The following GSE1 variants were observed in gnomAD, a reference collection of about 807,000 sequenced individuals.
The protein encoded by GSE1 is Gse1 coiled-coil protein, also known as genetic suppressor element 1.
GSE1 carries 32 observed loss-of-function variants against 112.6 expected under a neutral mutation model. The observed-to-expected ratio is 0.28, with a 90% CI of 0.21 to 0.38. The LOEUF is 0.38. GSE1 is among the 10% of genes least tolerant of loss of function. The probability of loss-of-function intolerance (pLI) is 1.00; values close to 1 mark genes in which losing one functional copy is unlikely to be tolerated. For missense variants in GSE1, 2,348 were observed against 1,699.2 expected (o/e 1.38, Z -6.71); for synonymous variants, 1,115 against 735.6 (o/e 1.52, Z -8.35).
intron 1 of GSE1, among the ~76,000 whole-genome samples, chr16:85,192,338 C>G (rs1380771388): frequency 6.6e-6 from 1 of 152,200 alleles, no homozygotes; most frequent in South Asian, 2.1e-4. Flanking sequence ...TATAATTTCC[C>G]CATCTGTAAA....
At chr16:85,588,285 G>A (rs1230757264) in intron 1 of GSE1, among the ~76,000 whole-genome samples, 1 of 152,220 alleles carries the variant, frequency 6.6e-6, no homozygotes, top group Non-Finnish European at 1.5e-5. Context: ...CAGCCTGGCC[G>A]CTCTTGAGGG....
intron 1 of GSE1, among the ~76,000 whole-genome samples, chr16:85,315,766 C>T (rs918084861): frequency 6.6e-6 from 1 of 152,222 alleles, no homozygotes; most frequent in Non-Finnish European, 1.5e-5. Flanking sequence ...AAAACGTATT[C>T]GTTGTTCATC....
chr16:85,663,007 T>G lies in GSE1; in HGVS notation c.2287T>G (p.Tyr763Asp). The change falls in exon 10 of 16, where the codon TAC becomes GAC. Residue 763 changes from tyrosine to aspartate, a missense_variant. Physicochemically the swap from Tyr to Asp is radical, Grantham distance 160 (BLOSUM62 -3). Coordinates refer to ENST00000253458, the MANE Select transcript of GSE1 (RefSeq NM_014615.5). ...KGYYYDLDDS[Y>D]DESDEEEVRA... ...GTACTACTACGACCTCGATGACTCT[T>G]ACGACGAGAGCGATGAGGAGGAGGT... 1 of 1,612,644 alleles carries G rather than the reference T, an allele frequency of 6.2e-7. No homozygotes were observed. Among genetic ancestry groups the G allele is most frequent in the Non-Finnish European group, 8.5e-7 (1 of 1,179,114 alleles).
chr16:85,588,460 C>G (rs971918732), intron 1 of GSE1, among the ~76,000 whole-genome samples: 1 of 152,184 alleles, frequency 6.6e-6, no homozygotes, highest in Non-Finnish European at 1.5e-5. Context: ...AAGAGCCCCC[C>G]ACATCTGGTC....
chr16:85,518,727 G>A (rs2052037051), intron 2 of GSE1, among the ~76,000 whole-genome samples: 1 of 152,100 alleles, frequency 6.6e-6, no homozygotes, highest in South Asian at 2.1e-4. Context: ...AGCAAGCAGG[G>A]GACGTGCTCT....
At chr16:85,666,689 G>A in intron 13 of GSE1, 1 of 285,802 alleles carries the variant, frequency 3.5e-6, no homozygotes, top group South Asian at 4.1e-5. Context: ...AAGAGCACTT[G>A]AGTGGATTTT....
Position 85,480,778 on chromosome 16 carries a change from C to G in GSE1, c.2464+123135C>G, listed in dbSNP as rs566021127. On this transcript the variant is annotated intron_variant, in intron 2 of 2. Transcript: ENST00000637419. ...TCGGTCAGGTCCAGGGCCCCCATCC[C>G]CACCGTCTGATTTTTCTGCCTGACA... Among the ~76,000 whole-genome samples, 213 of 152,280 alleles carry G rather than the reference C, an allele frequency of 1.4e-3. 1 individual carries two copies. The highest frequency in any genetic ancestry group is 2.6e-3 in the Non-Finnish European group (178 of 68,020).
intron 1 of GSE1, among the ~76,000 whole-genome samples, chr16:85,315,837 GA>G (rs560478609): frequency 1.1e-3 from 169 of 152,350 alleles, no homozygotes; most frequent in Non-Finnish European, 2.0e-3. Context: ...GAGTAGTGGG[GA>G]TAAAGGCTTC....
chr16:85,332,924 G>A (rs2046406706), intron 1 of GSE1, among the ~76,000 whole-genome samples: 1 of 152,012 alleles, frequency 6.6e-6, no homozygotes, highest in Non-Finnish European at 1.5e-5. Flanking sequence ...GTACCAGCCG[G>A]GGCCTTTGTG....
Position 85,390,343 on chromosome 16 carries a change from C to A in GSE1, c.2464+32700C>A, listed in dbSNP as rs140166207. ...CAGCAACAGACGGGGACGGGGCCTC[C>A]TTTGCTTTCTGGCAACAAGATCAGG... On this transcript the variant is annotated intron_variant, in intron 2 of 2. Transcript: ENST00000637419. Among the ~76,000 whole-genome samples the A allele has an allele frequency of 7.2e-5, 11 of 152,106 alleles. No individual in the cohort carries two copies. The East Asian group carries it at 2.1e-3, about 30-fold the overall frequency.
rs761273427 is a variant in GSE1 at position 85,656,461 on chromosome 16, G to A, written c.1108G>A (p.Glu370Lys). 16 of 1,544,398 alleles carry A rather than the reference G, an allele frequency of 1.0e-5. No individual in the cohort carries two copies. The highest frequency in any genetic ancestry group is 7.1e-5 in the South Asian group (6 of 84,698). The change falls in exon 7 of 16, where the codon GAG (glutamate) becomes AAG (lysine). Residue 370 changes from glutamate (E) to lysine (K), a missense_variant. Transcript: ENST00000253458. ...TGAGCGCGAACGCGAGAAGGAGCGC[G>A]AGCAAGAGAAGGAGCGTGAGCGTGA... ...EREREREKER[E>K]QEKEREREKE...
chr16:85,525,578 G>A (rs116669996), intron 2 of GSE1, among the ~76,000 whole-genome samples: 1 of 152,338 alleles, frequency 6.6e-6, no homozygotes, highest in East Asian at 1.9e-4. Flanking sequence ...CAAATGGGGG[G>A]TGTCACTGCC....
chr16:85,380,019 C>T (rs888568122), intron 2 of GSE1, among the ~76,000 whole-genome samples: 1 of 152,224 alleles, frequency 6.6e-6, no homozygotes, highest in Admixed American at 6.5e-5. Context: ...AAGGACAGAA[C>T]AGCAGGTGTT....
intron 2 of GSE1, among the ~76,000 whole-genome samples, chr16:85,507,044 G>A (rs1435345011): frequency 2.0e-5 from 3 of 152,180 alleles, no homozygotes; most frequent in Non-Finnish European, 4.4e-5. Context: ...TGGGGTAACC[G>A]TGTGGGGTTG....
At chr16:85,657,851 A>G (rs1430379491) in intron 8 of GSE1, among the ~76,000 whole-genome samples, 1 of 152,196 alleles carries the variant, frequency 6.6e-6, no homozygotes, top group African/African-American at 2.4e-5. Flanking sequence ...GTCCATGTTG[A>G]GAGCCAGGGC....
intron 2 of GSE1, among the ~76,000 whole-genome samples, chr16:85,462,196 G>A (rs576844838): frequency 6.6e-6 from 1 of 152,290 alleles, no homozygotes; most frequent in African/African-American, 2.4e-5. Context: ...GTGTCAGGAG[G>A]TCCCCCTGCA....
chr16:85,652,651 C>A (rs1003211901), intron 3 of GSE1, among the ~76,000 whole-genome samples: 1 of 152,174 alleles, frequency 6.6e-6, no homozygotes, highest in Non-Finnish European at 1.5e-5. Context: ...TGCCTCTGCG[C>A]GGGTGCCATG....
intron 1 of GSE1, among the ~76,000 whole-genome samples, chr16:85,317,115 C>T (rs1429087944): frequency 1.3e-5 from 2 of 152,192 alleles, no homozygotes; most frequent in African/African-American, 2.4e-5. Context: ...TTACTGAGCA[C>T]CTGTTGTGTG....
In GSE1 at chr16:85,228,606, G is replaced by A. The variant is rs528553779; in HGVS notation, c.2283+56799G>A. 2.2e-4 allele frequency among the ~76,000 whole-genome samples: 34 copies of A among 152,326 alleles called. No homozygotes were observed. The South Asian group carries it at 7.0e-3, about 32-fold the overall frequency. On this transcript the variant is annotated intron_variant, in intron 1 of 2. Coordinates refer to the GSE1 transcript ENST00000637419. ...GCATTCCAGGAAGTGTTGCGTGTCA[G>A]CAGTACAGTCCCTGCCTGCAGTGTA...
Sources: gnomAD v4.1 joint callset for allele counts (sites outside exome capture counted in the v4.1 genomes callset) on GRCh38, gnomAD v4.1.1 for gene constraint, MANE v1.5 for transcripts, NCBI Gene and HGNC (gene_info 2026-07-23, HGNC 2026-07-21) for gene names.